Variants in NCALD observed in about 807,000 individuals in gnomAD.
NCALD encodes neurocalcin delta, also known as neurocalcin-delta.
In NCALD, 10 loss-of-function variants were observed where a neutral mutation model predicts 18.6. The observed-to-expected ratio is 0.54, with a 90% CI of 0.33 to 0.91. The LOEUF is 0.91. NCALD is among the 40% of genes least tolerant of loss of function. NCALD has a pLI of 0.03. For synonymous variants in NCALD, 88 were observed against 87.4 expected (o/e 1.01, Z -0.04); for missense variants, 184 against 247.6 (o/e 0.74, Z 1.72).
chr8:101,961,509 A>G (rs1819834218), intron 2 of NCALD, among the ~76,000 whole-genome samples: 1 of 152,154 alleles, frequency 6.6e-6, no homozygotes, highest in African/African-American at 2.4e-5. Context: ...TGTTGGTAAA[A>G]ACTGAACTAC....
At chr8:101,862,370 C>T (rs1421456985) in intron 4 of NCALD, among the ~76,000 whole-genome samples, 2 of 152,184 alleles carry the variant, frequency 1.3e-5, no homozygotes, top group African/African-American at 4.8e-5. Context: ...TTTGAGGCCA[C>T]AGGCACAACA....
At chr8:101,798,461 G>T (rs1254663422) in intron 4 of NCALD, among the ~76,000 whole-genome samples, 3 of 152,114 alleles carry the variant, frequency 2.0e-5, no homozygotes, top group African/African-American at 4.8e-5. Flanking sequence ...ACAGGTACAG[G>T]ACTTGTATTC....
intron 4 of NCALD, among the ~76,000 whole-genome samples, chr8:101,855,109 C>G (rs1815254544): frequency 6.6e-6 from 1 of 152,094 alleles, no homozygotes; most frequent in African/African-American, 2.4e-5. Context: ...TGGAAACAAG[C>G]ATGAAGAATG....
At chr8:101,879,751 A>T (rs1816401106) in intron 4 of NCALD, among the ~76,000 whole-genome samples, 1 of 152,104 alleles carries the variant, frequency 6.6e-6, no homozygotes, top group South Asian at 2.1e-4. Flanking sequence ...GCTAGACACA[A>T]AAGTTTTCCA....
chr8:102,042,125 A>G (rs1823069453), intron 1 of NCALD, among the ~76,000 whole-genome samples: 1 of 152,000 alleles, frequency 6.6e-6, no homozygotes, highest in Non-Finnish European at 1.5e-5. Context: ...TGTTATTTGT[A>G]TAACAGGATG....
chr8:101,801,685 G>T (rs1422260072), intron 4 of NCALD, among the ~76,000 whole-genome samples: 1 of 28,212 alleles, frequency 3.5e-5, no homozygotes, highest in Non-Finnish European at 7.8e-5. Context: ...TTTTTTTTTT[G>T]AGACGGAATC....
At chr8:101,779,273 G>A (rs139420524) in intron 1 of NCALD, among the ~76,000 whole-genome samples, 6 of 152,240 alleles carry the variant, frequency 3.9e-5, no homozygotes, top group Admixed American at 2.0e-4. Flanking sequence ...TCTAGTAGAA[G>A]AGCTTAAATC....
chr8:101,732,854 C>T (rs181580952), intron 1 of NCALD, among the ~76,000 whole-genome samples: 103 of 152,126 alleles, frequency 6.8e-4, no homozygotes, highest in African/African-American at 2.4e-3. Flanking sequence ...TCTGCCTGCT[C>T]CAGCCTCTCA....
At chr8:101,910,214 G>C (rs933923144) in intron 3 of NCALD, among the ~76,000 whole-genome samples, 1 of 152,170 alleles carries the variant, frequency 6.6e-6, no homozygotes, top group Non-Finnish European at 1.5e-5. Context: ...GACAGGTGTG[G>C]AAGTTTTGTT....
chr8:101,904,521 C>T (rs1255010211), intron 3 of NCALD, among the ~76,000 whole-genome samples: 2 of 152,132 alleles, frequency 1.3e-5, no homozygotes, highest in Non-Finnish European at 2.9e-5. Context: ...CCACATCTCA[C>T]TCCATCCCTT....
upstream of NCALD, among the ~76,000 whole-genome samples, chr8:101,793,349 C>CA (rs945645876): frequency 0.043 from 3,237 of 75,468 alleles, 84 homozygotes; most frequent in African/African-American, 0.1. Flanking sequence ...GACTCCGTCT[C>CA]AAAAAAAAAA....
intron 1 of NCALD, chr8:101,788,998 T>A (rs909555482): frequency 9.9e-5 from 15 of 152,238 alleles, no homozygotes; most frequent in African/African-American, 3.6e-4. Flanking sequence ...CGCTGAATTA[T>A]TCTCTTGTAT....
intron 3 of NCALD, among the ~76,000 whole-genome samples, chr8:101,904,619 T>TA (rs1433917905): frequency 2.6e-5 from 4 of 152,198 alleles, no homozygotes; most frequent in Non-Finnish European, 5.9e-5. Context: ...TGTGATTCTA[T>TA]AAGCCTTCCT....
At chr8:102,105,243 G>A (rs979981772) in intron 1 of NCALD, among the ~76,000 whole-genome samples, 2 of 152,120 alleles carry the variant, frequency 1.3e-5, no homozygotes, top group Admixed American at 1.3e-4. Flanking sequence ...ATTCTTTTAA[G>A]TTGAAACTTT....
At chr8:102,081,731 C>G (rs1824545969) in intron 1 of NCALD, among the ~76,000 whole-genome samples, 1 of 152,162 alleles carries the variant, frequency 6.6e-6, no homozygotes. Context: ...AAACACAGAA[C>G]ATCGTTTGAT....
intron 1 of NCALD, chr8:101,721,101 T>A (rs1816333243): frequency 6.6e-6 from 1 of 152,132 alleles, no homozygotes. Context: ...ATGATTGAAG[T>A]GTGGTCAAGA....
At chr8:101,825,353 T>C (rs1161636009) in intron 4 of NCALD, among the ~76,000 whole-genome samples, 1 of 152,216 alleles carries the variant, frequency 6.6e-6, no homozygotes, top group African/African-American at 2.4e-5. Context: ...CGTCCACACA[T>C]GAAGCAGCCT....
chr8:101,692,191 C>T, intron 3 of NCALD: 1 of 985,346 alleles, frequency 1.0e-6, no homozygotes, highest in African/African-American at 1.7e-5. Context: ...GAAATGCAAC[C>T]TTCTTTTTCA....
chr8:102,050,155 C>T (rs933686278), intron 1 of NCALD, among the ~76,000 whole-genome samples: 1 of 61,146 alleles, frequency 1.6e-5, no homozygotes, highest in Non-Finnish European at 3.0e-5. Flanking sequence ...GGCGACAGAG[C>T]GAGACTCCGT....
Sources: gnomAD v4.1 joint callset for allele counts (sites outside exome capture counted in the v4.1 genomes callset) on GRCh38, gnomAD v4.1.1 for gene constraint, MANE v1.5 for transcripts, NCBI Gene and HGNC (gene_info 2026-07-23, HGNC 2026-07-21) for gene names.